ANK2: variants seen among roughly 807,000 people sequenced by gnomAD.
ANK2 encodes the protein ankyrin-2.
In ANK2, 83 loss-of-function variants were observed where a neutral mutation model predicts 360.5. The ratio of observed to expected loss-of-function variants is 0.23; its 90% CI spans 0.19 to 0.28. ANK2 has a LOEUF of 0.28. Among genes scored for constraint, ANK2 ranks in the 10% least tolerant of loss-of-function variants. The pLI, the probability that ANK2 is intolerant of heterozygous loss-of-function variation, is 1.00. For synonymous variants in ANK2, 1,740 were observed against 1,759.5 expected (o/e 0.99, Z 0.28); for missense variants, 4,201 against 4,795.7 (o/e 0.88, Z 3.66).
At chr4:113,156,386 T>TTTTTTTTTTTC (rs2097297451) in intron 1 of ANK2, among the ~76,000 whole-genome samples, 1 of 149,606 alleles carries the variant, frequency 6.7e-6, no homozygotes, top group African/African-American at 2.5e-5. Context: ...TTTTTTGTTT[T>TTTTTTTTTTTC]TGAGACAGAG....
In ANK2 at chr4:113,178,571, CA is replaced by C. The variant is rs537519981; in HGVS notation, c.186+4072del. Among the ~76,000 whole-genome samples, 734 of 98,116 alleles carry C rather than the reference CA, an allele frequency of 7.5e-3. 3 individuals are homozygous for C. The highest frequency in any genetic ancestry group is 0.012 in the African/African-American group (313 of 26,454). 64.4% of individuals were successfully genotyped at this position (98,116 alleles called of 152,430 possible). A position where few individuals can be genotyped will look rare whatever the true frequency, so the allele number is the denominator to read the frequency against. ...TGCGCGATAGAGTGAGACTCCATCTCAAAAAAAAAAAAAAAAAATTCCCCAA... is the reference window on the plus strand; with the variant it reads ...TGCGCGATAGAGTGAGACTCCATCTCAAAAAAAAAAAAAAAAATTCCCCAA... On this transcript the variant is annotated intron_variant, in intron 2 of 45. Coordinates refer to ENST00000357077, the MANE Select transcript of ANK2 (RefSeq NM_001148.6).
At chr4:112,710,520 A>C in the ANK2 span, among the ~76,000 whole-genome samples, 1 of 151,970 alleles carries the variant, frequency 6.6e-6, no homozygotes, top group African/African-American at 2.4e-5. Context: ...ACATGGTGAA[A>C]CCTCATCTCT....
chr4:113,052,001 T>C (rs960946553), intron 1 of ANK2, among the ~76,000 whole-genome samples: 3 of 152,166 alleles, frequency 2.0e-5, no homozygotes, highest in African/African-American at 4.8e-5. Context: ...GAATCCAATA[T>C]TGGTGCTTTG....
At chr4:112,796,651 CCTT>C in the ANK2 span, among the ~76,000 whole-genome samples, 3 of 141,388 alleles carry the variant, frequency 2.1e-5, no homozygotes, top group East Asian at 2.4e-4. Context: ...TGTCTGGCCA[CCTT>C]CTTTTTTTTT....
At chr4:113,283,372 G>C (rs1239334692) in intron 18 of ANK2, among the ~76,000 whole-genome samples, 1 of 152,162 alleles carries the variant, frequency 6.6e-6, no homozygotes, top group African/African-American at 2.4e-5. Flanking sequence ...CTATGGATAG[G>C]AGAGAGGAAA....
intron 2 of ANK2, among the ~76,000 whole-genome samples, chr4:113,015,236 T>G (rs2056261161): frequency 6.6e-6 from 1 of 152,210 alleles, no homozygotes; most frequent in African/African-American, 2.4e-5. Flanking sequence ...AGTGTCTAAC[T>G]TTGGGTAAGT....
chr4:112,950,352 T>C (rs1404704187), intron 2 of ANK2, among the ~76,000 whole-genome samples: 1 of 151,968 alleles, frequency 6.6e-6, no homozygotes, highest in East Asian at 1.9e-4. Flanking sequence ...TTAAGAAAGG[T>C]TAAAAAGTAA....
At chr4:112,874,663 A>G (rs945365647) in intron 1 of ANK2, among the ~76,000 whole-genome samples, 3 of 151,126 alleles carry the variant, frequency 2.0e-5, no homozygotes, top group Admixed American at 1.3e-4. Context: ...AAAAAAAAAA[A>G]AAGTGTGAAT....
chr4:113,005,208 A>G (rs1277240082), intron 2 of ANK2, among the ~76,000 whole-genome samples: 1 of 151,968 alleles, frequency 6.6e-6, no homozygotes, highest in Non-Finnish European at 1.5e-5. Flanking sequence ...AAATAGAACT[A>G]CTCTATGACC....
At chr4:112,813,830 C>A (rs2055465235), upstream of ANK2, among the ~76,000 whole-genome samples, 1 of 152,182 alleles carries the variant, frequency 6.6e-6, no homozygotes, top group Non-Finnish European at 1.5e-5. Context: ...GCCACTGCAC[C>A]CAGCCAGATT....
intron 1 of ANK2, chr4:112,826,485 A>G (rs961404148): frequency 4.4e-6 from 5 of 1,138,438 alleles, no homozygotes; most frequent in Admixed American, 1.8e-5. Context: ...ACCTTTTGTT[A>G]CATCTACTGG....
At chr4:112,993,148 G>A (rs532051258) in intron 2 of ANK2, among the ~76,000 whole-genome samples, 40 of 152,012 alleles carry the variant, frequency 2.6e-4, no homozygotes, top group Non-Finnish European at 4.1e-4. Context: ...GGTGGGCATG[G>A]TGGTGTGCCC....
chr4:112,723,066 G>A, the ANK2 span, among the ~76,000 whole-genome samples: 1 of 152,160 alleles, frequency 6.6e-6, no homozygotes, highest in South Asian at 2.1e-4. Flanking sequence ...ACGAAACTAA[G>A]TTTTGGTTGG....
intron 4 of ANK2, among the ~76,000 whole-genome samples, chr4:113,215,859 C>T (rs1415580319): frequency 6.6e-6 from 1 of 152,058 alleles, no homozygotes; most frequent in East Asian, 1.9e-4. Context: ...TACAATTTTT[C>T]TATCTTCTAT....
intron 24 of ANK2, among the ~76,000 whole-genome samples, chr4:113,316,320 G>T (rs570297897): frequency 6.6e-6 from 1 of 152,116 alleles, no homozygotes; most frequent in Non-Finnish European, 1.5e-5. Context: ...TACCCTTTAA[G>T]ACTTTTTTTG....
At chr4:113,318,674 G>A in intron 26 of ANK2, 54 bp downstream of exon 26, 1 of 1,430,470 alleles carries the variant, frequency 7.0e-7, no homozygotes, top group Non-Finnish European at 9.7e-7. Flanking sequence ...AGATGGGAGT[G>A]AAAACAACAG....
rs1243575069 is a variant in ANK2 at position 113,232,209 on chromosome 4, G to A, written c.433G>A (p.Val145Ile). 1 of 1,608,502 alleles carries A rather than the reference G, an allele frequency of 6.2e-7. No individual in the cohort carries two copies. Among genetic ancestry groups the A allele is most frequent in the East Asian group, 2.2e-5 (1 of 44,840 alleles). ...YMAAQENHID[V>I]VKYLLENGAN... ...GGCTGCCCAAGAGAATCACATTGAT[G>A]TTGTAAAATATTTGCTGGAAAATGG... Residue 145 changes from valine to isoleucine, a missense_variant, in exon 5 of 46, where the codon GTT (valine) becomes ATT (isoleucine). Physicochemically the swap from Val to Ile is conservative, Grantham distance 29. Coordinates refer to ENST00000357077, the MANE Select transcript of ANK2 (RefSeq NM_001148.6).
At chr4:112,901,269 G>A (rs1372221184) in intron 1 of ANK2, among the ~76,000 whole-genome samples, 1 of 152,120 alleles carries the variant, frequency 6.6e-6, no homozygotes. Flanking sequence ...TGGGTTTTTA[G>A]TAGTTGTGAT....
At chr4:113,003,688 C>T (rs550535181) in intron 2 of ANK2, among the ~76,000 whole-genome samples, 5 of 152,136 alleles carry the variant, frequency 3.3e-5, no homozygotes, top group Non-Finnish European at 7.4e-5. Context: ...TCTTGTGTTA[C>T]ACCACAGTAA....
Sources: gnomAD v4.1 joint callset for allele counts (sites outside exome capture counted in the v4.1 genomes callset) on GRCh38, gnomAD v4.1.1 for gene constraint, MANE v1.5 for transcripts, NCBI Gene and HGNC (gene_info 2026-07-23, HGNC 2026-07-21) for gene names.